The following TNFRSF11A variants were observed in gnomAD, a reference collection of about 807,000 sequenced individuals.
TNFRSF11A encodes the protein TNF receptor superfamily member 11a, also known as tumor necrosis factor receptor superfamily member 11A.
TNFRSF11A carries 32 observed loss-of-function variants against 55.7 expected under a neutral mutation model. That is an observed-to-expected ratio of 0.57 (90% CI 0.43 to 0.77). The LOEUF (loss-of-function observed/expected upper bound fraction) is 0.77, where lower values mean the gene tolerates loss of function less well. Among genes scored for constraint, TNFRSF11A ranks in the 30% least tolerant of loss-of-function variants. The pLI is 0.00. For synonymous variants in TNFRSF11A, 311 were observed against 331.0 expected (o/e 0.94, Z 0.65); for missense variants, 753 against 809.8 (o/e 0.93, Z 0.85).
intron 3 of TNFRSF11A, among the ~76,000 whole-genome samples, chr18:62,353,909 A>ATG (rs2145307165): frequency 6.6e-6 from 1 of 152,312 alleles, no homozygotes; most frequent in Admixed American, 6.5e-5. Flanking sequence ...CTCTCCATGC[A>ATG]TGTAACTCCA....
chr18:62,373,662 G>C (rs1416768070), intron 9 of TNFRSF11A, among the ~76,000 whole-genome samples: 2 of 152,128 alleles, frequency 1.3e-5, no homozygotes, highest in Non-Finnish European at 2.9e-5. Flanking sequence ...GCTGGAGAAG[G>C]AGGGGGATGG....
chr18:62,379,327 C>T (rs1911109126), intron 9 of TNFRSF11A, among the ~76,000 whole-genome samples: 1 of 152,246 alleles, frequency 6.6e-6, no homozygotes, highest in Admixed American at 6.5e-5. Context: ...TCTTGGGTCA[C>T]TCTGGAATAC....
At chr18:62,347,599 C>T (rs1449651635) in intron 1 of TNFRSF11A, among the ~76,000 whole-genome samples, 1 of 152,126 alleles carries the variant, frequency 6.6e-6, no homozygotes, top group Non-Finnish European at 1.5e-5. Context: ...TTTTAAAATT[C>T]TCTGTGTGTT....
At chr18:62,348,276 A>G (rs2046414989) in intron 2 of TNFRSF11A, 27 bp downstream of exon 2, 3 of 1,600,308 alleles carry the variant, frequency 1.9e-6, no homozygotes, top group African/African-American at 1.3e-5. Context: ...GCCACCTTGC[A>G]TTGCCCCTCA....
chr18:62,348,154 A>G lies in TNFRSF11A; in HGVS notation c.76-14A>G. ...CTGTGTGGACTCTCTGCCTGACCTC[A>G]GTGTTCTTTTCAGGTGGCTTTGCAG... On this transcript the variant is annotated splice_polypyrimidine_tract_variant and intron_variant, in intron 1 of 9. Transcript: ENST00000586569. The G allele has an allele frequency of 6.2e-7, 1 of 1,610,518 alleles. No homozygotes were observed.
intron 9 of TNFRSF11A, among the ~76,000 whole-genome samples, chr18:62,380,350 T>C (rs1600424491): frequency 6.6e-6 from 1 of 152,362 alleles, no homozygotes. Context: ...TTTAGGTTTG[T>C]TAAAGAAACA....
chr18:62,363,806 T>G (rs28702776), intron 7 of TNFRSF11A, among the ~76,000 whole-genome samples: 33,757 of 152,222 alleles, frequency 0.22, 4,691 homozygotes, highest in South Asian at 0.31. Context: ...GGCACGTTTA[T>G]GTGAGATAAA....
chr18:62,348,215 G>T lies in TNFRSF11A; in HGVS notation c.123G>T (p.Glu41Asp). 2 of 1,614,184 alleles carry T rather than the reference G, an allele frequency of 1.2e-6. No individual in the cohort carries two copies. The highest frequency in any genetic ancestry group is 1.7e-6 in the Non-Finnish European group (2 of 1,180,038). Residue 41 changes from glutamate to aspartate, a missense_variant, in exon 2 of 10, where the codon GAG (glutamate) becomes GAT (aspartate). Around this residue, in one of 3 missense-constraint regions of TNFRSF11A, gnomAD observed 156 missense variants for 155.1 expected, o/e 1.01. Transcript: ENST00000586569. ...APPCTSEKHYEHLGRCCNKCE... is the reference protein window; with the variant it reads ...APPCTSEKHYDHLGRCCNKCE... ...CATGTACCAGTGAGAAGCATTATGA[G>T]CATCTGGGACGGTGCTGTAACAAAT...
At chr18:62,365,514 G>T (rs912129843) in intron 7 of TNFRSF11A, among the ~76,000 whole-genome samples, 3 of 152,168 alleles carry the variant, frequency 2.0e-5, no homozygotes, top group African/African-American at 7.2e-5. Flanking sequence ...CACCTAGCTT[G>T]CTGTGTTTGC....
chr18:62,358,418 A>T, intron 5 of TNFRSF11A, 77 bp downstream of exon 5: 1 of 1,382,348 alleles, frequency 7.2e-7, no homozygotes, highest in South Asian at 1.2e-5. Context: ...TCTGGGTTGA[A>T]AACGGACGGA....
chr18:62,345,402 G>A (rs1430666425), intron 1 of TNFRSF11A, among the ~76,000 whole-genome samples: 1 of 152,104 alleles, frequency 6.6e-6, no homozygotes, highest in Non-Finnish European at 1.5e-5. Context: ...TATGTATATT[G>A]CCATGTTGAA....
At chr18:62,346,758 C>T (rs1270370401) in intron 1 of TNFRSF11A, among the ~76,000 whole-genome samples, 2 of 152,200 alleles carry the variant, frequency 1.3e-5, no homozygotes, top group Non-Finnish European at 2.9e-5. Flanking sequence ...CTTTATAAAG[C>T]TGCCTTCTAT....
chr18:62,339,043 C>T (rs748632171), intron 1 of TNFRSF11A, among the ~76,000 whole-genome samples: 8 of 152,290 alleles, frequency 5.3e-5, no homozygotes, highest in Middle Eastern at 3.4e-3. Flanking sequence ...TCCATGAGAT[C>T]CTAGCCCAGG....
chr18:62,325,502 C>G lies in TNFRSF11A; in HGVS notation c.75+75C>G. ...GAGCCCCGGGAAGGGCCGGGGCCGGCGGCATCCTGGCTCCTCCGCCTTCCG... is the reference window on the plus strand; with the variant it reads ...GAGCCCCGGGAAGGGCCGGGGCCGGGGGCATCCTGGCTCCTCCGCCTTCCG... On this transcript the variant is annotated intron_variant, in intron 1 of 9. Transcript: ENST00000586569. The surrounding 1 kb of genome is among the most constrained non-coding windows in gnomAD (Gnocchi z 4.7). 9.7e-7 allele frequency: 1 copy of G among 1,033,354 alleles called. No homozygotes were observed. Among genetic ancestry groups the G allele is most frequent in the South Asian group, 2.6e-5 (1 of 38,246 alleles). 64.0% of individuals were successfully genotyped at this position (1,033,354 alleles called of 1,614,324 possible). A position where few individuals can be genotyped will look rare whatever the true frequency, so the allele number is the denominator to read the frequency against.
At chr18:62,346,278 C>T (rs777947294) in intron 1 of TNFRSF11A, among the ~76,000 whole-genome samples, 9 of 152,178 alleles carry the variant, frequency 5.9e-5, no homozygotes, top group Non-Finnish European at 1.3e-4. Context: ...TCCTTAGGCT[C>T]GGATGAATCC....
Position 62,325,492 on chromosome 18 carries a change from C to T in TNFRSF11A, c.75+65C>T. 1 of 1,094,912 alleles carries T rather than the reference C, an allele frequency of 9.1e-7. No individual in the cohort carries two copies. The highest frequency in any genetic ancestry group is 1.1e-6 in the Non-Finnish European group (1 of 873,376). The allele number at this position is 1,094,912 out of a possible 1,614,324, so 67.8% of individuals were successfully genotyped here. ...GCCTCCTCGGGAGCCCCGGGAAGGG[C>T]CGGGGCCGGCGGCATCCTGGCTCCT... On this transcript the variant is annotated intron_variant, in intron 1 of 9. Transcript: ENST00000586569. This position sits in a 1 kb window ranked among gnomAD's most constrained non-coding sequence, Gnocchi z 4.7.
intron 9 of TNFRSF11A, among the ~76,000 whole-genome samples, chr18:62,374,525 G>A (rs1457439070): frequency 6.6e-6 from 1 of 152,160 alleles, no homozygotes; most frequent in African/African-American, 2.4e-5. Flanking sequence ...CTCTTCCTTG[G>A]AAGAAAATCT....
chr18:62,376,604 T>G (rs1479002171), intron 9 of TNFRSF11A, among the ~76,000 whole-genome samples: 1 of 152,126 alleles, frequency 6.6e-6, no homozygotes, highest in African/African-American at 2.4e-5. Flanking sequence ...GAGCGCATAT[T>G]GACACATTGG....
chr18:62,358,283 C>T lies in TNFRSF11A; in HGVS notation c.463C>T (p.Leu155Phe), dbSNP rs145487506. The change falls in exon 5 of 10, where the codon CTT (leucine) becomes TTT (phenylalanine). Residue 155 changes from leucine (L) to phenylalanine (F), a missense_variant. Physicochemically the swap from Leu to Phe is conservative, Grantham distance 22. Around this residue, in one of 3 missense-constraint regions of TNFRSF11A, gnomAD observed 30 missense variants for 58.0 expected, o/e 0.52. Coordinates refer to ENST00000586569, the MANE Select transcript of TNFRSF11A (RefSeq NM_003839.4). ...LNKDTVCKPCLAGYFSDAFSS... is the reference protein window; with the variant it reads ...LNKDTVCKPCFAGYFSDAFSS... ...CAAGGACACAGTGTGCAAACCTTGC[C>T]TTGCAGGCTACTTCTCTGATGCCTT... 2.9e-5 allele frequency: 47 copies of T among 1,612,326 alleles called. No homozygotes were observed. The African/African-American group carries it at 5.6e-4, about 19-fold the overall frequency.
Sources: gnomAD v4.1 joint callset for allele counts (sites outside exome capture counted in the v4.1 genomes callset) on GRCh38, gnomAD v4.1.1 for gene constraint, gnomAD v4.1.1 regional missense constraint, Gnocchi (gnomAD v3.1) non-coding constraint, MANE v1.5 for transcripts, NCBI Gene and HGNC (gene_info 2026-07-23, HGNC 2026-07-21) for gene names.